The following NKAIN3 variants were observed in gnomAD, a reference collection of about 807,000 sequenced individuals.
NKAIN3 encodes the protein sodium/potassium transporting ATPase interacting 3.
Under a neutral mutation model 30.2 loss-of-function variants are expected in NKAIN3, and 25 were observed. The observed-to-expected ratio is 0.83, with a 90% confidence interval of 0.60 to 1.16. The LOEUF is 1.16. Ranked by LOEUF, NKAIN3 falls within the 50% of genes most tolerant of loss-of-function variation. NKAIN3 has a pLI of 0.00. For synonymous variants in NKAIN3, 91 were observed against 89.6 expected (o/e 1.02, Z -0.09); for missense variants, 225 against 254.1 (o/e 0.89, Z 0.78).
intron 1 of NKAIN3, among the ~76,000 whole-genome samples, chr8:62,557,814 G>T (rs1307140002): frequency 6.6e-6 from 1 of 152,144 alleles, no homozygotes; most frequent in East Asian, 1.9e-4. Flanking sequence ...TTAGTCCTTT[G>T]TTGGATGTAT....
chr8:62,559,601 T>C (rs1809506725), intron 1 of NKAIN3, among the ~76,000 whole-genome samples: 1 of 152,068 alleles, frequency 6.6e-6, no homozygotes, highest in South Asian at 2.1e-4. Context: ...TTTAGTGGTT[T>C]CTCTCAGGGT....
chr8:62,859,507 C>CCAAAAAAAAAAAAAAAAAAAAAA (rs1563597734), intron 4 of NKAIN3, among the ~76,000 whole-genome samples: 1 of 9,934 alleles, frequency 1.0e-4, no homozygotes, highest in Non-Finnish European at 4.0e-4. Context: ...CTTACTTCAA[C>CCAAAAAAAAAAAAAAAAAAAAAA]TAAAAAAAAA....
chr8:62,928,723 G>A (rs1822524003), intron 5 of NKAIN3, among the ~76,000 whole-genome samples: 1 of 152,212 alleles, frequency 6.6e-6, no homozygotes, highest in South Asian at 2.1e-4. Flanking sequence ...CAGCACTGAA[G>A]CTTTGGAAGC....
At chr8:62,604,805 G>A (rs1811075708) in intron 3 of NKAIN3, among the ~76,000 whole-genome samples, 1 of 152,108 alleles carries the variant, frequency 6.6e-6, no homozygotes, top group African/African-American at 2.4e-5. Flanking sequence ...ATAGCTTTCT[G>A]TAAAAATCAT....
chr8:62,637,605 G>C (rs1812174742), intron 3 of NKAIN3, among the ~76,000 whole-genome samples: 1 of 152,088 alleles, frequency 6.6e-6, no homozygotes, highest in Non-Finnish European at 1.5e-5. Context: ...TGGACTTCCA[G>C]GCTTACTTCA....
intron 1 of NKAIN3, among the ~76,000 whole-genome samples, chr8:62,450,504 A>C (rs1205520150): frequency 1.3e-5 from 2 of 152,172 alleles, no homozygotes; most frequent in East Asian, 3.8e-4. Context: ...CATAATTGCT[A>C]TGTGCCAGGC....
intron 4 of NKAIN3, chr8:62,855,859 C>T: frequency 1.3e-6 from 1 of 780,774 alleles, no homozygotes; most frequent in Non-Finnish European, 2.3e-6. Context: ...TCCAACTCCT[C>T]TTCCTGTGGC....
intron 4 of NKAIN3, among the ~76,000 whole-genome samples, chr8:62,900,987 A>AT (rs1231421495): frequency 6.6e-5 from 10 of 152,136 alleles, no homozygotes; most frequent in Admixed American, 2.6e-4. Flanking sequence ...CAACTGTCAG[A>AT]TGGAACCCCT....
rs746522619 is a variant in NKAIN3 at position 62,579,588 on chromosome 8, C to G, written c.104C>G (p.Ala35Gly). The G allele has an allele frequency of 2.5e-6, 4 of 1,609,938 alleles. 1 individual carries two copies. Residue 35 changes from alanine to glycine, a missense_variant, in exon 2 of 7, where the codon GCG (alanine) becomes GGG (glycine). Ala to Gly is a moderately conservative substitution (Grantham distance 60). Transcript: ENST00000623646. ...QIFDFLGFQW[A>G]PILGNFLHII... ...TTTGACTTCCTTGGTTTCCAGTGGG[C>G]GCCTATTCTTGGAAATTTTCTACAC...
At chr8:62,889,371 G>A (rs1007194276) in intron 4 of NKAIN3, among the ~76,000 whole-genome samples, 5 of 150,790 alleles carry the variant, frequency 3.3e-5, no homozygotes, top group African/African-American at 7.3e-5. Flanking sequence ...ACTCCATCTC[G>A]AAAAAAATAA....
intron 4 of NKAIN3, among the ~76,000 whole-genome samples, chr8:62,821,074 T>C (rs559814324): frequency 6.6e-6 from 1 of 152,232 alleles, no homozygotes; most frequent in African/African-American, 2.4e-5. Context: ...GCTGCAGGGT[T>C]TTAGCTCTTG....
chr8:62,500,688 G>A (rs1337694650), intron 1 of NKAIN3, among the ~76,000 whole-genome samples: 1 of 152,112 alleles, frequency 6.6e-6, no homozygotes, highest in African/African-American at 2.4e-5. Flanking sequence ...CTTTGTGGAG[G>A]GCAATGGGTT....
chr8:62,529,267 C>G (rs995365321), intron 1 of NKAIN3, among the ~76,000 whole-genome samples: 4 of 152,206 alleles, frequency 2.6e-5, no homozygotes, highest in Admixed American at 2.6e-4. Context: ...AAAAGTTACT[C>G]TAACCCCACT....
intron 3 of NKAIN3, among the ~76,000 whole-genome samples, chr8:62,624,213 T>C (rs1811718154): frequency 6.6e-6 from 1 of 152,022 alleles, no homozygotes; most frequent in Non-Finnish European, 1.5e-5. Context: ...ATCAGCAAGG[T>C]CTTTGTGACC....
intron 1 of NKAIN3, among the ~76,000 whole-genome samples, chr8:62,331,539 A>G (rs543628711): frequency 6.6e-6 from 1 of 152,182 alleles, no homozygotes; most frequent in Non-Finnish European, 1.5e-5. Flanking sequence ...CACTGCATTC[A>G]AACATTCTGC....
chr8:62,641,014 T>TA lies in NKAIN3; in HGVS notation c.273+51220_273+51221insA, dbSNP rs562945379. On this transcript the variant is annotated intron_variant, in intron 3 of 6. Transcript: ENST00000623646. ...AATAGAAAAGCCTCATTTATTTATTTTTTTTTTTTAGTCCCTTGCTTCTCA... is the reference window on the plus strand; with the variant it reads ...AATAGAAAAGCCTCATTTATTTATTTATTTTTTTTTAGTCCCTTGCTTCTCA... Among the ~76,000 whole-genome samples, 28 of 152,030 alleles carry TA rather than the reference T, an allele frequency of 1.8e-4. No individual in the cohort carries two copies. In the Middle Eastern group the frequency reaches 0.01, roughly 55 times the overall value.
At chr8:62,355,878 C>A (rs1328979895) in intron 1 of NKAIN3, among the ~76,000 whole-genome samples, 1 of 152,146 alleles carries the variant, frequency 6.6e-6, no homozygotes, top group Non-Finnish European at 1.5e-5. Flanking sequence ...TAAATTTTAT[C>A]TTAAATATAA....
At chr8:62,656,228 C>T (rs1300668428) in intron 3 of NKAIN3, among the ~76,000 whole-genome samples, 1 of 152,128 alleles carries the variant, frequency 6.6e-6, no homozygotes, top group African/African-American at 2.4e-5. Context: ...TTTACATAAT[C>T]AGATTCAACA....
At chr8:62,870,038 T>C (rs1349701920) in intron 4 of NKAIN3, among the ~76,000 whole-genome samples, 2 of 151,174 alleles carry the variant, frequency 1.3e-5, no homozygotes, top group African/African-American at 4.9e-5. Context: ...CCAAAGTGCT[T>C]GGATTACAGG....
Sources: allele counts gnomAD v4.1 joint callset (sites outside exome capture counted in the v4.1 genomes callset), GRCh38; gene constraint gnomAD v4.1.1; transcripts MANE v1.5; gene names NCBI Gene and HGNC (gene_info 2026-07-23, HGNC 2026-07-21).